Variants in HMGXB4 observed in about 807,000 individuals in gnomAD.
HMGXB4 encodes HMG domain-containing protein 4.
A neutral mutation model predicts 63.9 loss-of-function variants in HMGXB4; 27 were observed. The ratio of observed to expected loss-of-function variants is 0.42; its 90% CI spans 0.31 to 0.58. HMGXB4 has a LOEUF of 0.58. HMGXB4 is among the 20% of genes least tolerant of loss of function. The pLI is 0.13. For missense variants in HMGXB4, 624 were observed against 700.7 expected, an observed-to-expected ratio of 0.89 and a Z score of 1.24; for synonymous variants, 264 against 265.3, an observed-to-expected ratio of 0.99 and a Z score of 0.05.
chr22:35,254,827 G>A (rs1922322266), upstream of HMGXB4, among the ~76,000 whole-genome samples: 1 of 152,214 alleles, frequency 6.6e-6, no homozygotes, highest in Non-Finnish European at 1.5e-5. Context: ...AGGCTGAGGA[G>A]AGATCTGACT....
At chr22:35,291,504 T>C (rs1328804602) in intron 9 of HMGXB4, among the ~76,000 whole-genome samples, 2 of 152,110 alleles carry the variant, frequency 1.3e-5, no homozygotes, top group Non-Finnish European at 2.9e-5. Flanking sequence ...GAGACCAGAA[T>C]TGGGGAGAAG....
At chr22:35,259,415 A>C (rs1163376558) in intron 1 of HMGXB4, among the ~76,000 whole-genome samples, 1 of 152,084 alleles carries the variant, frequency 6.6e-6, no homozygotes, top group Non-Finnish European at 1.5e-5. Flanking sequence ...TGTAATTATG[A>C]CCTCCCTTTT....
chr22:35,267,451 A>G (rs1923333662), intron 5 of HMGXB4, among the ~76,000 whole-genome samples: 1 of 152,186 alleles, frequency 6.6e-6, no homozygotes, highest in Admixed American at 6.5e-5. Flanking sequence ...GAAAGCTTGA[A>G]GAAGGAGAAG....
chr22:35,263,408 C>G (rs1005350954), intron 3 of HMGXB4, among the ~76,000 whole-genome samples, 182 bp downstream of exon 3: 1 of 151,800 alleles, frequency 6.6e-6, no homozygotes, highest in Non-Finnish European at 1.5e-5. Context: ...CTCAGCCTCC[C>G]GAGTAGCTGG....
At position 35,274,508 on chromosome 22, in the gene HMGXB4, GT is replaced by G. The variant is rs529645856; in HGVS notation, c.1215+8911del. On this transcript the variant is annotated intron_variant, in intron 5 of 10. Transcript: ENST00000216106. ...CTCGTATGTTCTAGGCACTACACTA[GT>G]TTTTTATCTACTATGTATCACTGAA... 1.2e-3 allele frequency among the ~76,000 whole-genome samples: 188 copies of G among 152,332 alleles called. 1 individual carries two copies. The highest frequency in any genetic ancestry group is 4.4e-3 in the African/African-American group (183 of 41,584).
At chr22:35,245,786 C>T in the HMGXB4 span, among the ~76,000 whole-genome samples, 2 of 152,126 alleles carry the variant, frequency 1.3e-5, no homozygotes, top group African/African-American at 2.4e-5. Flanking sequence ...GAGGGGGGTT[C>T]CTCATTACTG....
In HMGXB4 at chr22:35,279,132, C is replaced by CTTTTT. The variant is rs551006065; in HGVS notation, c.1216-4803_1216-4799dup. Among the ~76,000 whole-genome samples the CTTTTT allele has an allele frequency of 1.7e-3, 86 of 50,830 alleles. 6 individuals are homozygous for CTTTTT. Among genetic ancestry groups the CTTTTT allele is most frequent in the African/African-American group, 2.3e-3 (25 of 10,960 alleles). 33.3% of individuals were successfully genotyped at this position (50,830 alleles called of 152,430 possible). A position where few individuals can be genotyped will look rare whatever the true frequency, so the allele number is the denominator to read the frequency against. Reference sequence around the variant, plus strand: ...TATTTTCTCACAGTCTATGGATTGTCTTTTTTTTTTTTTTTTTTTTTTTTT... The same window carrying CTTTTT: ...TATTTTCTCACAGTCTATGGATTGTCTTTTTTTTTTTTTTTTTTTTTTTTTTTTTT... On this transcript the variant is annotated intron_variant, in intron 5 of 10. Transcript: ENST00000216106.
At chr22:35,245,145 T>C in the HMGXB4 span, among the ~76,000 whole-genome samples, 2 of 152,258 alleles carry the variant, frequency 1.3e-5, no homozygotes, top group South Asian at 2.1e-4. Context: ...ATGCGGGGAC[T>C]ACAGCTGTGA....
At chr22:35,284,542 T>TA (rs1924449763) in intron 6 of HMGXB4, among the ~76,000 whole-genome samples, 1 of 152,258 alleles carries the variant, frequency 6.6e-6, no homozygotes, top group Non-Finnish European at 1.5e-5. Flanking sequence ...TCAAGACACT[T>TA]ACATTTGCAT....
intron 5 of HMGXB4, among the ~76,000 whole-genome samples, chr22:35,276,400 T>C (rs938319471): frequency 9.9e-5 from 15 of 152,210 alleles, no homozygotes; most frequent in Non-Finnish European, 1.9e-4. Context: ...AGAATCACAC[T>C]TGTGTAACGA....
intron 7 of HMGXB4, among the ~76,000 whole-genome samples, chr22:35,286,412 G>A (rs534010371): frequency 6.6e-6 from 1 of 152,206 alleles, no homozygotes; most frequent in Non-Finnish European, 1.5e-5. Flanking sequence ...GAGAACTGAG[G>A]AAAGTTATCC....
At chr22:35,276,219 C>T (rs1341025083) in intron 5 of HMGXB4, among the ~76,000 whole-genome samples, 2 of 152,172 alleles carry the variant, frequency 1.3e-5, no homozygotes, top group African/African-American at 4.8e-5. Context: ...CAGAGTTTCC[C>T]TTGAAAATCC....
rs62233272 is a variant in HMGXB4, at chr22:35,282,453, A to T, written c.1216-1509A>T. Among the ~76,000 whole-genome samples the T allele has an allele frequency of 8.2e-3, 1,245 of 152,238 alleles. 7 individuals are homozygous for T. Among genetic ancestry groups the T allele is most frequent in the South Asian group, 0.032 (153 of 4,824 alleles). ...CTGGATTACAGGTGTGAGCTACCCCACCCGGCCACATTCATGTCATTTTAA... is the reference window on the plus strand; with the variant it reads ...CTGGATTACAGGTGTGAGCTACCCCTCCCGGCCACATTCATGTCATTTTAA... On this transcript the variant is annotated intron_variant, in intron 5 of 10. Transcript: ENST00000216106.
upstream of HMGXB4, among the ~76,000 whole-genome samples, chr22:35,254,889 A>C (rs1922324157): frequency 1.3e-5 from 2 of 152,192 alleles, no homozygotes; most frequent in Non-Finnish European, 2.9e-5. Context: ...CTCCATCTTC[A>C]GGTGGACTAA....
At chr22:35,275,872 G>C (rs1025773474) in intron 5 of HMGXB4, among the ~76,000 whole-genome samples, 4 of 152,284 alleles carry the variant, frequency 2.6e-5, no homozygotes, top group African/African-American at 4.8e-5. Context: ...CAAGTAATTT[G>C]CTACTAATAA....
intron 5 of HMGXB4, among the ~76,000 whole-genome samples, chr22:35,276,031 A>G (rs1416053554): frequency 2.6e-5 from 4 of 152,172 alleles, no homozygotes; most frequent in African/African-American, 9.7e-5. Context: ...TCTCATGGAA[A>G]TGTTTTGTAT....
At chr22:35,267,185 T>TAC (rs1363685852) in intron 5 of HMGXB4, among the ~76,000 whole-genome samples, 23 of 148,416 alleles carry the variant, frequency 1.5e-4, no homozygotes, top group Admixed American at 2.7e-4. Context: ...TATATATATA[T>TAC]ACACACACAC....
chr22:35,242,148 TAGG>T, the HMGXB4 span, among the ~76,000 whole-genome samples: 1 of 152,226 alleles, frequency 6.6e-6, no homozygotes, highest in African/African-American at 2.4e-5. Context: ...TTTAAACATT[TAGG>T]AGAATTCTCT....
At chr22:35,285,018 A>C (rs185646952) in intron 6 of HMGXB4, among the ~76,000 whole-genome samples, 1 of 152,370 alleles carries the variant, frequency 6.6e-6, no homozygotes, top group Non-Finnish European at 1.5e-5. Flanking sequence ...GGTTCTAATC[A>C]TTCAGAAATT....
Sources: allele counts gnomAD v4.1 joint callset (sites outside exome capture counted in the v4.1 genomes callset), GRCh38; gene constraint gnomAD v4.1.1; transcripts MANE v1.5; gene names NCBI Gene and HGNC (gene_info 2026-07-23, HGNC 2026-07-21).